KCNQ1: variants seen among roughly 807,000 people sequenced by gnomAD.
The protein encoded by KCNQ1 is potassium voltage-gated channel subfamily KQT member 1.
In KCNQ1, 49 loss-of-function variants were observed where a neutral mutation model predicts 72.4. That is an observed-to-expected ratio of 0.68 (90% CI 0.54 to 0.86). KCNQ1 has a LOEUF of 0.86. Among genes scored for constraint, KCNQ1 ranks in the 40% least tolerant of loss-of-function variants. The pLI, the probability that KCNQ1 is intolerant of heterozygous loss-of-function variation, is 0.00. For missense variants in KCNQ1, 790 were observed against 945.1 expected, an observed-to-expected ratio of 0.84 and a Z score of 2.15; for synonymous variants, 450 against 412.6, an observed-to-expected ratio of 1.09 and a Z score of -1.10.
At chr11:2,699,490 A>G (rs1463180751) in intron 11 of KCNQ1, 3 of 170,010 alleles carry the variant, frequency 1.8e-5, no homozygotes, top group South Asian at 4.4e-4. Context: ...GCCCCCGGGG[A>G]GAGTGCCGCG....
At position 2,562,437 on chromosome 11, in the gene KCNQ1, C is replaced by G. The variant is rs529870081; in HGVS notation, c.478-8191C>G. Among the ~76,000 whole-genome samples, 1 of 152,160 alleles carries G rather than the reference C, an allele frequency of 6.6e-6. No individual in the cohort carries two copies. The highest frequency in any genetic ancestry group is 2.4e-5 in the African/African-American group (1 of 41,430). The stretch of plus-strand genomic sequence containing the variant: ...GGCTCTCTCTGTGGCTTATCAGGGC[C>G]GGGCCGGTGTGGAGTTGGAACAGCT... On this transcript the variant is annotated intron_variant, in intron 2 of 15. Transcript: ENST00000155840. This position sits in a 1 kb window ranked among gnomAD's most constrained non-coding sequence, Gnocchi z 7.5.
Position 2,627,489 on chromosome 11 carries a change from T to TA in KCNQ1, c.1394-34471dup. ...CCCTGACCCCTAGTAACCACCCTTC[T>TA]ACTCTCCGTTTCTCTGAGTTCAAGC... On this transcript the variant is annotated intron_variant, in intron 10 of 15. Transcript: ENST00000155840. This position sits in a 1 kb window ranked among gnomAD's most constrained non-coding sequence, Gnocchi z 4.9. 1 of 398,556 alleles carries TA rather than the reference T, an allele frequency of 2.5e-6. No homozygotes were observed. The highest frequency in any genetic ancestry group is 4.4e-6 in the Non-Finnish European group (1 of 226,050). The allele number at this position is 398,556 out of a possible 1,614,324, so 24.7% of individuals were successfully genotyped here.
rs535325556 is a variant in KCNQ1, at chr11:2,642,779, T to C, written c.1394-19182T>C. On this transcript the variant is annotated intron_variant, in intron 10 of 15. Transcript: ENST00000155840. This position sits in a 1 kb window ranked among gnomAD's most constrained non-coding sequence, Gnocchi z 4.3. ...TAGATTATTTAAGATCTTTTCTACC[T>C]TTTTTAATGGAGGCATTTATTACAA... 17 of 397,830 alleles carry C rather than the reference T, an allele frequency of 4.3e-5. No homozygotes were observed. The highest frequency in any genetic ancestry group is 8.2e-5 in the African/African-American group (4 of 48,722). The allele number at this position is 397,830 out of a possible 1,614,324, so 24.6% of individuals were successfully genotyped here. A position where few individuals can be genotyped will look rare whatever the true frequency, so the allele number is the denominator to read the frequency against.
At chr11:2,742,198 C>T (rs532586278) in intron 11 of KCNQ1, among the ~76,000 whole-genome samples, 147 of 152,350 alleles carry the variant, frequency 9.6e-4, no homozygotes, top group Non-Finnish European at 1.9e-3. Flanking sequence ...ATCCCTGCAG[C>T]GGGTGGCTTG....
intron 11 of KCNQ1, among the ~76,000 whole-genome samples, chr11:2,763,732 A>G (rs1846448776): frequency 6.6e-6 from 1 of 151,904 alleles, no homozygotes; most frequent in African/African-American, 2.4e-5. Flanking sequence ...TATTTTTTAA[A>G]TTTATTTTTT....
chr11:2,466,606 G>T (rs115419781), intron 1 of KCNQ1, among the ~76,000 whole-genome samples: 1,743 of 152,284 alleles, frequency 0.011, 20 homozygotes, highest in South Asian at 0.029. Context: ...CTTGCCCGGG[G>T]GCACAGCCAT....
rs1468652633 is a variant in KCNQ1, at chr11:2,624,545, T to C, written c.1393+35691T>C. 7.5e-6 allele frequency: 3 copies of C among 398,430 alleles called. No individual in the cohort carries two copies. The highest frequency in any genetic ancestry group is 7.1e-5 in the East Asian group (2 of 28,060). The allele number at this position is 398,430 out of a possible 1,614,324, so 24.7% of individuals were successfully genotyped here. A position where few individuals can be genotyped will look rare whatever the true frequency, so the allele number is the denominator to read the frequency against. On this transcript the variant is annotated intron_variant, in intron 10 of 15. Coordinates refer to ENST00000155840, the MANE Select transcript of KCNQ1 (RefSeq NM_000218.3). This position sits in a 1 kb window ranked among gnomAD's most constrained non-coding sequence, Gnocchi z 4.9. ...TGTTATCTTCTGGGATTTCTATTTGTTGTTGATTTCCAAATCTTTTATTGT... is the reference window on the plus strand; with the variant it reads ...TGTTATCTTCTGGGATTTCTATTTGCTGTTGATTTCCAAATCTTTTATTGT...
At chr11:2,574,728 G>T (rs546532349) in intron 6 of KCNQ1, among the ~76,000 whole-genome samples, 465 of 152,334 alleles carry the variant, frequency 3.1e-3, no homozygotes, top group Non-Finnish European at 5.1e-3. Flanking sequence ...GGCTCCTGAC[G>T]TAGGCCAAGT....
chr11:2,653,314 C>A lies in KCNQ1; in HGVS notation c.1394-8647C>A. 2.5e-6 allele frequency: 1 copy of A among 398,718 alleles called. No homozygotes were observed. Among genetic ancestry groups the A allele is most frequent in the Non-Finnish European group, 4.4e-6 (1 of 226,108 alleles). The allele number at this position is 398,718 out of a possible 1,614,324, so 24.7% of individuals were successfully genotyped here. On this transcript the variant is annotated intron_variant, in intron 10 of 15. Coordinates refer to ENST00000155840, the MANE Select transcript of KCNQ1 (RefSeq NM_000218.3). This position sits in a 1 kb window ranked among gnomAD's most constrained non-coding sequence, Gnocchi z 5.3. ...CAGACCAGTTTAGCTATTTTGTAACCTTGACTGCCCCCAGGCCCATGTCCG... is the reference window on the plus strand; with the variant it reads ...CAGACCAGTTTAGCTATTTTGTAACATTGACTGCCCCCAGGCCCATGTCCG...
chr11:2,632,704 AT>A (rs1849380659), intron 10 of KCNQ1: 2 of 398,358 alleles, frequency 5.0e-6, no homozygotes, highest in African/African-American at 2.1e-5. Flanking sequence ...GCCTAATTTC[AT>A]TTAACATATT....
At chr11:2,641,898 C>A (rs1564842620) in intron 10 of KCNQ1, 10 of 398,360 alleles carry the variant, frequency 2.5e-5, no homozygotes, top group Non-Finnish European at 4.4e-5. Flanking sequence ...TGCTCTTTTC[C>A]CAGTGTATGT....
At chr11:2,605,451 T>C (rs999126052) in intron 10 of KCNQ1, among the ~76,000 whole-genome samples, 1 of 152,232 alleles carries the variant, frequency 6.6e-6, no homozygotes, top group African/African-American at 2.4e-5. Flanking sequence ...TTTGATCCAC[T>C]TTGAGTTAAT....
chr11:2,662,161 T>C, intron 11 of KCNQ1, 80 bp downstream of exon 11: 1 of 1,593,128 alleles, frequency 6.3e-7, no homozygotes, highest in African/African-American at 1.3e-5. Flanking sequence ...TGGGGAAGCC[T>C]TGCTCTCTGG....
At position 2,764,327 on chromosome 11, in the gene KCNQ1, T is replaced by C. The variant is rs144781792; in HGVS notation, c.1515-4517T>C. 3.9e-5 allele frequency among the ~76,000 whole-genome samples: 6 copies of C among 152,316 alleles called. No individual in the cohort carries two copies. In the East Asian group the frequency reaches 9.6e-4, roughly 24 times the overall value. On this transcript the variant is annotated intron_variant, in intron 11 of 15. Coordinates refer to ENST00000155840, the MANE Select transcript of KCNQ1 (RefSeq NM_000218.3). This position sits in a 1 kb window ranked among gnomAD's most constrained non-coding sequence, Gnocchi z 4.8. The stretch of plus-strand genomic sequence containing the variant: ...TGTGTTGATTGTATTTTTTCTGACT[T>C]ATTCTGTTGATGTGAAGAGTGACGC...
Position 2,483,352 on chromosome 11 carries a change from G to A in KCNQ1, c.386+37868G>A, listed in dbSNP as rs1846684672. ...TTTTAGACCTACAGAAAAGTTCCAC[G>A]ACAGTACTGAGAGTTCCTGTGGACT... On this transcript the variant is annotated intron_variant, in intron 1 of 15. Coordinates refer to ENST00000155840, the MANE Select transcript of KCNQ1 (RefSeq NM_000218.3). The surrounding 1 kb of genome is among the most constrained non-coding windows in gnomAD (Gnocchi z 6.1). Among the ~76,000 whole-genome samples the A allele has an allele frequency of 6.6e-6, 1 of 152,126 alleles. No homozygotes were observed. The highest frequency in any genetic ancestry group is 1.5e-5 in the Non-Finnish European group (1 of 68,020).
rs924511708 is a variant in KCNQ1 at position 2,547,980 on chromosome 11, G to A, written c.477+19962G>A. Among the ~76,000 whole-genome samples the A allele has an allele frequency of 2.0e-5, 3 of 152,224 alleles. No individual in the cohort carries two copies. The highest frequency in any genetic ancestry group is 6.5e-5 in the Admixed American group (1 of 15,284). On this transcript the variant is annotated intron_variant, in intron 2 of 15. Transcript: ENST00000155840. The surrounding 1 kb of genome is among the most constrained non-coding windows in gnomAD (Gnocchi z 4.2). ...ATTCAGAGACAGGGGAGCAGGGAGC[G>A]GTGGGGGATGAGGTCAGGGAGGTGG...
At position 2,703,329 on chromosome 11, in the gene KCNQ1, C is replaced by A. The variant is rs952701651; in HGVS notation, c.1514+41248C>A. 6.6e-6 allele frequency among the ~76,000 whole-genome samples: 1 copy of A among 152,206 alleles called. No homozygotes were observed. Among genetic ancestry groups the A allele is most frequent in the Admixed American group, 6.5e-5 (1 of 15,280 alleles). On this transcript the variant is annotated intron_variant, in intron 11 of 15. Transcript: ENST00000155840. This position sits in a 1 kb window ranked among gnomAD's most constrained non-coding sequence, Gnocchi z 6.4. ...AGAGCCTGGGCACCTGGTGGCCACTCCCTGAGCTCCCCACGTGACAGAGGG... is the reference window on the plus strand; with the variant it reads ...AGAGCCTGGGCACCTGGTGGCCACTACCTGAGCTCCCCACGTGACAGAGGG...
chr11:2,641,900 AGTGTATGTT>A (rs1564842623), intron 10 of KCNQ1: 10 of 398,436 alleles, frequency 2.5e-5, no homozygotes, highest in Non-Finnish European at 4.4e-5. Context: ...CTCTTTTCCC[AGTGTATGTT>A]CTTGGCATCT....
intron 11 of KCNQ1, chr11:2,681,293 C>G: frequency 2.5e-6 from 1 of 398,520 alleles, no homozygotes; most frequent in African/African-American, 2.1e-5. Context: ...CCTTCCTGTC[C>G]TACCAGCCCA....
Sources: allele counts gnomAD v4.1 joint callset (sites outside exome capture counted in the v4.1 genomes callset), GRCh38; gene constraint gnomAD v4.1.1; non-coding constraint Gnocchi (gnomAD v3.1); transcripts MANE v1.5; gene names NCBI Gene and HGNC (gene_info 2026-07-23, HGNC 2026-07-21).